Variants in DMXL2 observed in about 807,000 individuals in gnomAD.
DMXL2 encodes the protein dmX-like protein 2.
Under a neutral mutation model 331.1 loss-of-function variants are expected in DMXL2, and 103 were observed. The observed-to-expected ratio is 0.31, with a 90% confidence interval of 0.27 to 0.37. The LOEUF (loss-of-function observed/expected upper bound fraction) is 0.37. DMXL2 is among the 10% of genes least tolerant of loss of function. The pLI is 1.00. For missense variants in DMXL2, 3,171 were observed against 3,642.9 expected (o/e 0.87, Z 3.33); for synonymous variants, 1,281 against 1,252.1 (o/e 1.02, Z -0.49).
intron 1 of DMXL2, among the ~76,000 whole-genome samples, chr15:51,590,185 G>A (rs756634205): frequency 1.3e-5 from 2 of 152,154 alleles, no homozygotes; most frequent in African/African-American, 4.8e-5. Flanking sequence ...GCTATGATGT[G>A]GTCTGGCTTA....
At chr15:51,524,108 T>TC (rs1472101504) in intron 13 of DMXL2, among the ~76,000 whole-genome samples, 14 of 152,044 alleles carry the variant, frequency 9.2e-5, no homozygotes, top group Admixed American at 9.2e-4. Flanking sequence ...TTCAACAAAC[T>TC]AAAAAGGACT....
chr15:51,473,195 T>C (rs755844864), intron 28 of DMXL2, among the ~76,000 whole-genome samples: 5 of 152,212 alleles, frequency 3.3e-5, no homozygotes, highest in African/African-American at 4.8e-5. Context: ...TTAACTAAAC[T>C]GGTCCATTCC....
intron 1 of DMXL2, among the ~76,000 whole-genome samples, chr15:51,596,786 C>G (rs183248271): frequency 1.3e-5 from 2 of 152,208 alleles, no homozygotes; most frequent in African/African-American, 4.8e-5. Flanking sequence ...ATGGATGAAG[C>G]TGGAAACCAT....
chr15:51,500,351 C>T, intron 17 of DMXL2, 120 bp from the exon 18 acceptor site: 1 of 1,026,812 alleles, frequency 9.7e-7, no homozygotes, highest in Non-Finnish European at 1.4e-6. Context: ...TTCAGAATAT[C>T]TCTGCAGTCT....
chr15:51,548,937 T>C (rs186809653), intron 6 of DMXL2, among the ~76,000 whole-genome samples: 48 of 151,852 alleles, frequency 3.2e-4, no homozygotes, highest in Non-Finnish European at 5.9e-4. Context: ...TAAGTTCACT[T>C]TTGTTTAGTG....
intron 17 of DMXL2, among the ~76,000 whole-genome samples, chr15:51,502,508 A>G (rs1310030686): frequency 6.6e-6 from 1 of 152,118 alleles, no homozygotes; most frequent in East Asian, 1.9e-4. Flanking sequence ...TTTTTAGTAC[A>G]GACATGGTTT....
intron 1 of DMXL2, among the ~76,000 whole-genome samples, chr15:51,595,569 C>T (rs2052735302): frequency 6.6e-6 from 1 of 152,206 alleles, no homozygotes; most frequent in African/African-American, 2.4e-5. Flanking sequence ...GAAAAAACTA[C>T]TTTAAAGTTC....
Position 51,465,303 on chromosome 15 carries a change from G to A in DMXL2, c.7606+263C>T, listed in dbSNP as rs906696916. 2.6e-5 allele frequency among the ~76,000 whole-genome samples: 4 copies of A among 152,180 alleles called. No individual in the cohort carries two copies. The East Asian group carries it at 7.7e-4, about 29-fold the overall frequency. ...CCAGCTACTCAGGAGACTGAGGTGG[G>A]AGGATGGCTTGAGCCTACGAGGCGG... On this transcript the variant is annotated intron_variant, in intron 31 of 43. Coordinates refer to ENST00000560891, the MANE Select transcript of DMXL2 (RefSeq NM_001378457.1).
chr15:51,510,313 G>A (rs567891786), intron 15 of DMXL2, among the ~76,000 whole-genome samples: 3 of 152,206 alleles, frequency 2.0e-5, no homozygotes, highest in East Asian at 1.9e-4. Context: ...AAACCCAATC[G>A]TCTCAGCCCA....
intron 28 of DMXL2, 34 bp downstream of exon 28, chr15:51,474,310 T>A: frequency 6.4e-7 from 1 of 1,553,708 alleles, no homozygotes; most frequent in Non-Finnish European, 8.7e-7. Flanking sequence ...ATGATTAACA[T>A]TTACATACAT....
At chr15:51,491,547 T>C (rs1724979051) in intron 20 of DMXL2, 31 bp downstream of exon 20, 1 of 1,563,626 alleles carries the variant, frequency 6.4e-7, no homozygotes, top group South Asian at 1.2e-5. Flanking sequence ...GTTTTTTTAA[T>C]ATAACTCAAA....
chr15:51,507,297 T>C, intron 15 of DMXL2, 44 bp from the exon 16 acceptor site: 5 of 1,557,752 alleles, frequency 3.2e-6, no homozygotes, highest in Non-Finnish European at 4.3e-6. Context: ...TATGTTTTTA[T>C]GGGGTTAAAA....
Position 51,451,648 on chromosome 15 carries a change from G to A in DMXL2, c.8746C>T (p.His2916Tyr), listed in dbSNP as rs749578324. Residue 2916 changes from histidine (H) to tyrosine (Y), a missense_variant, in exon 42 of 44, where the codon CAT becomes TAT. Coordinates refer to ENST00000560891, the MANE Select transcript of DMXL2 (RefSeq NM_001378457.1). ...AAAATCATAGACCTTAACTCACCAT[G>A]AATGAGGCTGTTTCCGGGTGATATT... ...TLISPGNSLI[H>Y]GFTCHDHGAT... is the part of the protein sequence containing the mutation. 6.2e-6 allele frequency: 10 copies of A among 1,611,922 alleles called. No individual in the cohort carries two copies. In the Admixed American group the frequency reaches 8.3e-5, roughly 13 times the overall value.
At chr15:51,525,554 G>T (rs1042322841) in intron 13 of DMXL2, among the ~76,000 whole-genome samples, 2 of 152,094 alleles carry the variant, frequency 1.3e-5, no homozygotes, top group African/African-American at 4.8e-5. Flanking sequence ...TGGGCCAGAA[G>T]GGAGCCCAAT....
At chr15:51,480,224 G>T in intron 24 of DMXL2, 85 bp from the exon 25 acceptor site, 1 of 1,295,380 alleles carries the variant, frequency 7.7e-7, no homozygotes, top group Non-Finnish European at 1.1e-6. Flanking sequence ...GATAAACATT[G>T]TGTAAAGGGA....
At chr15:51,494,348 A>G (rs1009074117) in intron 19 of DMXL2, among the ~76,000 whole-genome samples, 1 of 152,186 alleles carries the variant, frequency 6.6e-6, no homozygotes, top group Admixed American at 6.5e-5. Context: ...ACTAAGACGT[A>G]TATTATGGGA....
chr15:51,586,432 G>A (rs934634978), intron 1 of DMXL2, among the ~76,000 whole-genome samples: 3 of 151,976 alleles, frequency 2.0e-5, no homozygotes, highest in African/African-American at 4.8e-5. Context: ...TTAAGAAAAC[G>A]TTCTAAGCGT....
At chr15:51,600,579 A>G (rs184570121) in intron 1 of DMXL2, among the ~76,000 whole-genome samples, 1 of 152,256 alleles carries the variant, frequency 6.6e-6, no homozygotes, top group East Asian at 1.9e-4. Context: ...TCTTCTCTCT[A>G]AAATCTGAAA....
At chr15:51,451,518 A>ATAT (rs1195348914) in intron 42 of DMXL2, 127 bp downstream of exon 42, 1 of 726,130 alleles carries the variant, frequency 1.4e-6, no homozygotes. Context: ...TTCATTCTAA[A>ATAT]TATTTCTCCA....
Sources: allele counts gnomAD v4.1 joint callset (sites outside exome capture counted in the v4.1 genomes callset), GRCh38; gene constraint gnomAD v4.1.1; transcripts MANE v1.5; gene names NCBI Gene and HGNC (gene_info 2026-07-23, HGNC 2026-07-21).